The following GPR176 variants were observed in gnomAD, a reference collection of about 807,000 sequenced individuals.
GPR176 encodes G-protein coupled receptor 176.
GPR176 carries 26 observed loss-of-function variants against 35.4 expected under a neutral mutation model. The ratio of observed to expected loss-of-function variants is 0.74; its 90% confidence interval spans 0.54 to 1.02. The LOEUF (loss-of-function observed/expected upper bound fraction) is 1.02, where lower values mean the gene tolerates loss of function less well. Ranked by LOEUF, GPR176 falls within the 50% of genes least tolerant of loss-of-function variation. GPR176 has a pLI of 0.00. For synonymous variants in GPR176, 278 were observed against 271.3 expected (o/e 1.02, Z -0.24); for missense variants, 597 against 665.3 (o/e 0.90, Z 1.13).
chr15:39,919,732 C>T (rs2033823702), intron 1 of GPR176, 123 bp downstream of exon 1: 11 of 684,626 alleles, frequency 1.6e-5, no homozygotes, highest in Middle Eastern at 4.4e-4. Flanking sequence ...CTTAAGCTTC[C>T]TTCAACTCTC....
intron 1 of GPR176, among the ~76,000 whole-genome samples, chr15:39,851,709 G>A (rs275729): frequency 0.95 from 143,923 of 152,292 alleles, 68,277 homozygotes; most frequent in Non-Finnish European, 0.99. Flanking sequence ...TTGTCATAGC[G>A]ACTGCAATTT....
intron 1 of GPR176, among the ~76,000 whole-genome samples, chr15:39,814,363 A>G (rs563669414): frequency 1.3e-5 from 2 of 152,258 alleles, no homozygotes; most frequent in South Asian, 4.1e-4. Flanking sequence ...TCCATTCTCA[A>G]TTCATCTGGA....
At chr15:39,807,625 T>C (rs1160747550) in intron 1 of GPR176, 1 of 979,094 alleles carries the variant, frequency 1.0e-6, no homozygotes, top group Non-Finnish European at 1.6e-6. Flanking sequence ...GTTGCCAAAC[T>C]CTGCAACAGA....
intron 1 of GPR176, among the ~76,000 whole-genome samples, chr15:39,914,023 A>G (rs560542325): frequency 2.8e-4 from 43 of 152,268 alleles, no homozygotes; most frequent in Non-Finnish European, 4.3e-4. Flanking sequence ...TCCAGCCTGG[A>G]CAACAGAGTG....
chr15:39,835,029 T>C (rs560469117), intron 1 of GPR176, among the ~76,000 whole-genome samples: 1 of 152,228 alleles, frequency 6.6e-6, no homozygotes, highest in Admixed American at 6.6e-5. Context: ...TCTTTTTTTT[T>C]ATTTTGAGAC....
rs764447070 is a variant in GPR176 at position 39,799,473 on chromosome 15, G to A, written c.*1659C>T. 6 of 152,318 alleles carry A rather than the reference G, an allele frequency of 3.9e-5. No individual in the cohort carries two copies. The highest frequency in any genetic ancestry group is 3.4e-3 in the Middle Eastern group (1 of 296). The allele number at this position is 152,318 out of a possible 1,614,324, so 9.4% of individuals were successfully genotyped here. On this transcript the variant is annotated 3_prime_UTR_variant, in exon 3 of 3. Transcript: ENST00000561100. ...AAAGAGGAAGGTGCTTCCTCTCCAGGGGTAGGGTCTTTGGGTTCACATTCA... is the reference window on the plus strand; with the variant it reads ...AAAGAGGAAGGTGCTTCCTCTCCAGAGGTAGGGTCTTTGGGTTCACATTCA...
chr15:39,801,324 C>T lies in GPR176; in HGVS notation c.1356G>A (p.Gln452=). ...PETFPDKYSL[Q]FGFGPFELPP... ...GCAACTCAAAAGGCCCAAAGCCAAACTGCAGGGAATACTTATCAGGGAATG... is the reference window on the plus strand; with the variant it reads ...GCAACTCAAAAGGCCCAAAGCCAAATTGCAGGGAATACTTATCAGGGAATG... Residue 452 remains glutamine, a synonymous_variant, in exon 3 of 3, where the codon CAG becomes CAA. Coordinates refer to ENST00000561100, the MANE Select transcript of GPR176 (RefSeq NM_007223.3). 1 of 1,614,184 alleles carries T rather than the reference C, an allele frequency of 6.2e-7. No homozygotes were observed.
intron 1 of GPR176, among the ~76,000 whole-genome samples, chr15:39,917,834 C>A (rs1046622287): frequency 6.6e-6 from 1 of 151,848 alleles, no homozygotes; most frequent in African/African-American, 2.4e-5. Flanking sequence ...ATCATGAGGT[C>A]AAGAGTTCGA....
chr15:39,889,437 C>T (rs2032785716), intron 1 of GPR176, among the ~76,000 whole-genome samples: 1 of 151,912 alleles, frequency 6.6e-6, no homozygotes, highest in South Asian at 2.1e-4. Flanking sequence ...ATCCCAGCTA[C>T]TTGGGGGAAT....
chr15:39,843,909 G>A (rs780848198), intron 1 of GPR176, among the ~76,000 whole-genome samples: 75 of 152,144 alleles, frequency 4.9e-4, no homozygotes, highest in Non-Finnish European at 7.1e-4. Flanking sequence ...AAAGCTTAGA[G>A]AAAAATCTGT....
intron 1 of GPR176, among the ~76,000 whole-genome samples, chr15:39,851,939 C>CT (rs545239202): frequency 1.7e-3 from 252 of 152,250 alleles, no homozygotes; most frequent in African/African-American, 5.9e-3. Context: ...GCTTCCTTGG[C>CT]TGCTATCAGC....
chr15:39,864,377 G>A (rs2031736265), intron 1 of GPR176, among the ~76,000 whole-genome samples: 1 of 152,122 alleles, frequency 6.6e-6, no homozygotes, highest in Admixed American at 6.5e-5. Flanking sequence ...AAACTGACAA[G>A]AATATACACT....
intron 1 of GPR176, among the ~76,000 whole-genome samples, chr15:39,821,103 T>A (rs893706798): frequency 2.0e-5 from 3 of 152,218 alleles, no homozygotes; most frequent in Non-Finnish European, 4.4e-5. Context: ...GAATAATCAG[T>A]TTCCAATTCC....
intron 1 of GPR176, among the ~76,000 whole-genome samples, chr15:39,874,232 G>C (rs769441351): frequency 6.6e-6 from 1 of 152,140 alleles, no homozygotes. Flanking sequence ...AGTGTGGTAA[G>C]TAACTCCCCT....
chr15:39,883,548 C>T (rs1436153396), intron 1 of GPR176, among the ~76,000 whole-genome samples: 2 of 152,020 alleles, frequency 1.3e-5, no homozygotes, highest in African/African-American at 4.8e-5. Flanking sequence ...ATTTATCAAA[C>T]AAGTTTTTCA....
chr15:39,893,077 A>C (rs373875370), intron 1 of GPR176, among the ~76,000 whole-genome samples: 29 of 151,892 alleles, frequency 1.9e-4, no homozygotes, highest in African/African-American at 7.0e-4. Context: ...CATATCGAGA[A>C]TATTGATCTC....
At chr15:39,907,255 C>G (rs2033448434) in intron 1 of GPR176, among the ~76,000 whole-genome samples, 1 of 152,236 alleles carries the variant, frequency 6.6e-6, no homozygotes, top group Non-Finnish European at 1.5e-5. Context: ...TCCTCTCCAC[C>G]TTTCACCTCT....
chr15:39,913,939 G>A (rs1012059598), intron 1 of GPR176, among the ~76,000 whole-genome samples: 8 of 152,042 alleles, frequency 5.3e-5, no homozygotes, highest in South Asian at 2.1e-4. Flanking sequence ...CCAGCTGCTC[G>A]GGAGGCTGAG....
intron 1 of GPR176, chr15:39,909,814 T>C (rs575019145): frequency 1.7e-6 from 1 of 588,850 alleles, no homozygotes; most frequent in Non-Finnish European, 2.1e-6. Context: ...ACTAGCTTTT[T>C]TTCACAACCA....
Sources: allele counts gnomAD v4.1 joint callset (sites outside exome capture counted in the v4.1 genomes callset), GRCh38; gene constraint gnomAD v4.1.1; transcripts MANE v1.5; gene names NCBI Gene and HGNC (gene_info 2026-07-23, HGNC 2026-07-21).